The following ZBTB32 variants were observed in gnomAD, a reference collection of about 807,000 sequenced individuals.
ZBTB32 encodes zinc finger and BTB domain-containing protein 32.
ZBTB32 carries 28 observed loss-of-function variants against 45.3 expected under a neutral mutation model. That is an observed-to-expected ratio of 0.62 (90% CI 0.46 to 0.85). The LOEUF (loss-of-function observed/expected upper bound fraction) is 0.85, where lower values mean the gene tolerates loss of function less well. Ranked by LOEUF, ZBTB32 falls within the 40% of genes least tolerant of loss-of-function variation. The pLI is 0.00. For missense variants in ZBTB32, 587 were observed against 624.4 expected (o/e 0.94, Z 0.64); for synonymous variants, 283 against 255.7 (o/e 1.11, Z -1.02).
intron 1 of ZBTB32, among the ~76,000 whole-genome samples, chr19:35,711,251 T>C (rs1968686011): frequency 6.6e-6 from 1 of 152,176 alleles, no homozygotes; most frequent in African/African-American, 2.4e-5. Context: ...CCTTTCCTCA[T>C]CCCTGGGGCT....
rs2146419803 is a variant in ZBTB32, at chr19:35,715,487, G to A, written c.861G>A (p.Gln287=). The A allele has an allele frequency of 1.9e-6, 3 of 1,552,486 alleles. No individual in the cohort carries two copies. The highest frequency in any genetic ancestry group is 2.4e-5 in the South Asian group (2 of 81,858). ...GCACCCCCACCACTGGAGCCTGGCA[G>A]GAGGTCTGGCGGGAACAGAGGTGAG... is the stretch of plus-strand genomic sequence containing the variant. The part of the protein sequence containing the change: ...YHSTPTTGAW[Q]EVWREQRIPL... Residue 287 remains glutamine, a synonymous_variant, in exon 3 of 7, where the codon CAG becomes CAA. Coordinates refer to ENST00000392197, the MANE Select transcript of ZBTB32 (RefSeq NM_014383.3).
intron 5 of ZBTB32, 28 bp from the exon 6 acceptor site, chr19:35,716,105 C>T (rs763849354): frequency 6.2e-7 from 1 of 1,612,414 alleles, no homozygotes; most frequent in South Asian, 1.1e-5. Flanking sequence ...CCTGGCCCTG[C>T]CCTCCTTTGC....
At chr19:35,708,396 T>C (rs1968601866) in intron 1 of ZBTB32, among the ~76,000 whole-genome samples, 1 of 152,190 alleles carries the variant, frequency 6.6e-6, no homozygotes, top group Non-Finnish European at 1.5e-5. Context: ...TAGATGCCTT[T>C]TGACTCAGCC....
At chr19:35,715,726 A>G (rs1460764809) in intron 3 of ZBTB32, 31 bp from the exon 4 acceptor site, 1 of 1,577,724 alleles carries the variant, frequency 6.3e-7, no homozygotes, top group East Asian at 2.3e-5. Flanking sequence ...AGGTTTAGCC[A>G]AGGCTGTAAC....
intron 1 of ZBTB32, among the ~76,000 whole-genome samples, chr19:35,708,879 C>T (rs1054407161): frequency 1.3e-5 from 2 of 150,102 alleles, no homozygotes; most frequent in African/African-American, 2.5e-5. Context: ...AGTGCAATGG[C>T]GCGATCTCGG....
rs757800405 is a variant in ZBTB32, at chr19:35,715,397, G to A, written c.771G>A (p.Gly257=). 1.2e-6 allele frequency: 2 copies of A among 1,611,698 alleles called. No individual in the cohort carries two copies. The highest frequency in any genetic ancestry group is 1.7e-6 in the Non-Finnish European group (2 of 1,179,230). The part of the protein sequence containing the change: ...PSWAEAPWLV[G]GQPALWSILL... ...GGGCTGAGGCCCCTTGGTTGGTGGG[G>A]GGCCAGCCTGCCCTGTGGAGCATCC... is the stretch of plus-strand genomic sequence containing the variant. Residue 257 remains glycine, a synonymous_variant, in exon 3 of 7, where the codon GGG becomes GGA. Coordinates refer to ENST00000392197, the MANE Select transcript of ZBTB32 (RefSeq NM_014383.3).
chr19:35,715,213 T>A lies in ZBTB32; in HGVS notation c.587T>A (p.Leu196His), dbSNP rs763974973. 4 of 1,606,942 alleles carry A rather than the reference T, an allele frequency of 2.5e-6. No homozygotes were observed. Among genetic ancestry groups the A allele is most frequent in the Non-Finnish European group, 2.5e-6 (3 of 1,178,122 alleles). Residue 196 changes from leucine to histidine, a missense_variant, in exon 3 of 7, where the codon CTC (leucine) becomes CAC (histidine). Leu to His is a moderately conservative substitution (Grantham distance 99, BLOSUM62 -3). Coordinates refer to ENST00000392197, the MANE Select transcript of ZBTB32 (RefSeq NM_014383.3). Reference protein sequence around the residue: ...QEQTRSKEKRLQAPVGQRGAD... With the variant: ...QEQTRSKEKRHQAPVGQRGAD... ...CAGACCAGGTCAAAGGAGAAACGCCTCCAAGCCCCTGTTGGCCAAAGGGGA... is the reference window on the plus strand; with the variant it reads ...CAGACCAGGTCAAAGGAGAAACGCCACCAAGCCCCTGTTGGCCAAAGGGGA...
At chr19:35,713,934 C>T (rs796707246) in intron 2 of ZBTB32, among the ~76,000 whole-genome samples, 3 of 152,380 alleles carry the variant, frequency 2.0e-5, no homozygotes, top group African/African-American at 7.2e-5. Context: ...TCCTCTTTCT[C>T]TGGATGGGAA....
Position 35,715,751 on chromosome 19 carries a change from T to C in ZBTB32, c.882-6T>C, listed in dbSNP as rs762013405. The C allele has an allele frequency of 1.0e-5, 16 of 1,605,218 alleles. No homozygotes were observed. In the Admixed American group the frequency reaches 1.3e-4, roughly 14 times the overall value. On this transcript the variant is annotated splice_region_variant and splice_polypyrimidine_tract_variant and intron_variant, in intron 3 of 6. Transcript: ENST00000392197. ...AAGGCTGTAACTCTTCCCCACCCCA[T>C]CCCAGGATCCCACTGTCCCTAAATG...
intron 1 of ZBTB32, among the ~76,000 whole-genome samples, chr19:35,705,389 A>G (rs1968514247): frequency 6.6e-6 from 1 of 152,072 alleles, no homozygotes; most frequent in Admixed American, 6.6e-5. Context: ...TAGTGTGCAC[A>G]TGAAGGTTTC....
intron 1 of ZBTB32, among the ~76,000 whole-genome samples, chr19:35,708,027 G>A (rs940883539): frequency 6.6e-6 from 1 of 152,066 alleles, no homozygotes; most frequent in African/African-American, 2.4e-5. Flanking sequence ...TGAACCTGAT[G>A]GTGACTCCCT....
chr19:35,705,152 A>T (rs918886240), intron 1 of ZBTB32, among the ~76,000 whole-genome samples: 8 of 151,856 alleles, frequency 5.3e-5, no homozygotes, highest in African/African-American at 1.5e-4. Context: ...CGGGGTTTCT[A>T]AAAAAAATTA....
intron 3 of ZBTB32, 66 bp downstream of exon 3, chr19:35,715,573 G>C: frequency 6.7e-7 from 1 of 1,496,050 alleles, no homozygotes; most frequent in Non-Finnish European, 8.9e-7. Flanking sequence ...GGGCAGCCCT[G>C]CTGGGTGGAA....
chr19:35,706,346 G>T (rs1968542702), intron 1 of ZBTB32, among the ~76,000 whole-genome samples: 1 of 152,052 alleles, frequency 6.6e-6, no homozygotes, highest in African/African-American at 2.4e-5. Context: ...GGCTGTAGGT[G>T]CGGGGCAGGT....
chr19:35,714,926 G>C lies in ZBTB32; in HGVS notation c.300G>C (p.Leu100Phe). 1 of 1,582,804 alleles carries C rather than the reference G, an allele frequency of 6.3e-7. No homozygotes were observed. Among genetic ancestry groups the C allele is most frequent in the South Asian group, 1.2e-5 (1 of 86,568 alleles). The change falls in exon 3 of 7, where the codon TTG becomes TTC. Residue 100 changes from leucine to phenylalanine, a missense_variant. Physicochemically the swap from Leu to Phe is conservative, Grantham distance 22. Transcript: ENST00000392197. ...CCCTTCAGGAGGCGGCCAGGGCCTT[G>C]GGAGTGCAGTCCCTGGAAGAGGCAT... ...LRPLQEAARA[L>F]GVQSLEEACW...
rs772779062 is a variant in ZBTB32 at position 35,716,593 on chromosome 19, C to G, written c.1305C>G (p.Ala435=). 6.2e-7 allele frequency: 1 copy of G among 1,613,058 alleles called. No homozygotes were observed. The highest frequency in any genetic ancestry group is 1.1e-5 in the South Asian group (1 of 91,064). ...CGTACCGCTGCTCCCTGTGCGGGGC[C>G]GGCTGTCCCAGCCTGGCCTCCATGC... ...AAPYRCSLCG[A]GCPSLASMQA... is the part of the protein sequence containing the mutation. The change falls in exon 7 of 7, where the codon GCC becomes GCG. Residue 435 remains alanine (A), a synonymous_variant. Coordinates refer to ENST00000392197, the MANE Select transcript of ZBTB32 (RefSeq NM_014383.3).
In ZBTB32 at chr19:35,715,124, C is replaced by T. The variant is rs753319110; in HGVS notation, c.498C>T (p.His166=). The change falls in exon 3 of 7, where the codon CAC becomes CAT. Residue 166 remains histidine (H), a synonymous_variant. Coordinates refer to ENST00000392197, the MANE Select transcript of ZBTB32 (RefSeq NM_014383.3). ...RTGGREQEML[H]KHSPPRGRPE... is the part of the protein sequence containing the mutation. ...GTGGGAGAGAACAGGAGATGTTGCA[C>T]AAGCACTCGCCACCAAGAGGCAGAC... The T allele has an allele frequency of 3.7e-6, 6 of 1,613,988 alleles. No homozygotes were observed. The East Asian group carries it at 1.3e-4, about 36-fold the overall frequency.
chr19:35,716,037 G>T (rs1343371225), intron 5 of ZBTB32, 30 bp downstream of exon 5: 1 of 1,610,994 alleles, frequency 6.2e-7, no homozygotes, highest in South Asian at 1.1e-5. Flanking sequence ...TCGTGCCTCA[G>T]CCCCACTGTA....
intron 6 of ZBTB32, 37 bp downstream of exon 6, chr19:35,716,334 C>G: frequency 6.2e-7 from 1 of 1,611,062 alleles, no homozygotes; most frequent in Non-Finnish European, 8.5e-7. Flanking sequence ...TGTCGGCTTT[C>G]TTCCCAACTC....
Sources: allele counts gnomAD v4.1 joint callset (sites outside exome capture counted in the v4.1 genomes callset), GRCh38; gene constraint gnomAD v4.1.1; transcripts MANE v1.5; gene names NCBI Gene and HGNC (gene_info 2026-07-23, HGNC 2026-07-21).